PI4K2B: variants seen among roughly 807,000 people sequenced by gnomAD.
PI4K2B encodes phosphatidylinositol 4-kinase type 2 beta.
PI4K2B carries 46 observed loss-of-function variants against 56.6 expected under a neutral mutation model. The ratio of observed to expected loss-of-function variants is 0.81; its 90% CI spans 0.64 to 1.04. The LOEUF (loss-of-function observed/expected upper bound fraction) is 1.04. Ranked by LOEUF, PI4K2B falls within the 50% of genes least tolerant of loss-of-function variation. PI4K2B has a pLI of 0.00. For synonymous variants in PI4K2B, 211 were observed against 223.8 expected (o/e 0.94, Z 0.51); for missense variants, 556 against 607.7 (o/e 0.91, Z 0.89).
At chr4:25,267,829 C>T (rs1716721822) in intron 7 of PI4K2B, 1 of 976,506 alleles carries the variant, frequency 1.0e-6, no homozygotes, top group African/African-American at 1.8e-5. Context: ...CCATTTACCT[C>T]CTAATGATTT....
chr4:25,249,975 C>T (rs1715979056), intron 1 of PI4K2B, among the ~76,000 whole-genome samples: 2 of 152,180 alleles, frequency 1.3e-5, no homozygotes, highest in African/African-American at 2.4e-5. Flanking sequence ...CCCGGCACCT[C>T]GGGAGGCCGA....
chr4:25,244,511 T>G (rs1424983449), intron 1 of PI4K2B, among the ~76,000 whole-genome samples: 1 of 152,194 alleles, frequency 6.6e-6, no homozygotes, highest in African/African-American at 2.4e-5. Flanking sequence ...TATACTTCCC[T>G]CAGGTGGCCA....
chr4:25,252,507 G>A, intron 2 of PI4K2B, 32 bp downstream of exon 2: 1 of 1,366,568 alleles, frequency 7.3e-7, no homozygotes, highest in Non-Finnish European at 1.0e-6. Context: ...TATATGTAAT[G>A]GAAACTTTGG....
intron 1 of PI4K2B, among the ~76,000 whole-genome samples, chr4:25,245,482 CCT>C: frequency 6.6e-6 from 1 of 152,098 alleles, no homozygotes; most frequent in Non-Finnish European, 1.5e-5. Context: ...GCATGGCTTT[CCT>C]CTCTGTCGAC....
intron 5 of PI4K2B, 34 bp from the exon 6 acceptor site, chr4:25,260,490 A>T: frequency 1.0e-6 from 1 of 975,642 alleles, no homozygotes; most frequent in South Asian, 1.8e-5. Flanking sequence ...GTCCATAGAA[A>T]TGAAGTAACA....
chr4:25,255,661 C>T (rs1163193123), intron 3 of PI4K2B, among the ~76,000 whole-genome samples: 14 of 152,170 alleles, frequency 9.2e-5, no homozygotes, highest in Admixed American at 9.2e-4. Context: ...CAGGGTGTTG[C>T]TGTGTTGCCC....
intron 1 of PI4K2B, 81 bp from the exon 2 acceptor site, chr4:25,252,240 T>C (rs977297076): frequency 1.3e-5 from 13 of 1,028,414 alleles, no homozygotes; most frequent in Non-Finnish European, 1.6e-5. Context: ...CTGTACCTTA[T>C]ATCCTGATAC....
At chr4:25,246,614 C>T (rs1484068122) in intron 1 of PI4K2B, among the ~76,000 whole-genome samples, 1 of 152,266 alleles carries the variant, frequency 6.6e-6, no homozygotes, top group Non-Finnish European at 1.5e-5. Context: ...AGTCCCACGC[C>T]TTGTGCCCAC....
At chr4:25,244,169 C>T (rs993966025) in intron 1 of PI4K2B, among the ~76,000 whole-genome samples, 1 of 152,202 alleles carries the variant, frequency 6.6e-6, no homozygotes, top group African/African-American at 2.4e-5. Flanking sequence ...GAGAAGGGGA[C>T]ATGTACCCAG....
intron 1 of PI4K2B, among the ~76,000 whole-genome samples, chr4:25,238,209 G>T (rs753221098): frequency 1.2e-4 from 18 of 152,180 alleles, no homozygotes; most frequent in Non-Finnish European, 2.4e-4. Context: ...TGAAATTACT[G>T]AGCAGCTAAC....
At chr4:25,251,852 T>G (rs1182878826) in intron 1 of PI4K2B, among the ~76,000 whole-genome samples, 1 of 151,960 alleles carries the variant, frequency 6.6e-6, no homozygotes, top group African/African-American at 2.4e-5. Context: ...GGACGGTGTC[T>G]CGCTCTTATT....
At position 25,260,266 on chromosome 4, in the gene PI4K2B, T is replaced by C. The variant is rs563543733; in HGVS notation, c.911-258T>C. Among the ~76,000 whole-genome samples the C allele has an allele frequency of 6.6e-5, 10 of 152,172 alleles. No homozygotes were observed. In the South Asian group the frequency reaches 2.1e-3, roughly 32 times the overall value. On this transcript the variant is annotated intron_variant, in intron 5 of 9. Transcript: ENST00000264864. ...ATAATTGTATCACCTCACAGGGTAG[T>C]TTTGAGGATTACATGAATTATTACA... is the stretch of plus-strand genomic sequence containing the variant.
chr4:25,242,561 G>A (rs1429443310), intron 1 of PI4K2B, among the ~76,000 whole-genome samples: 1 of 152,220 alleles, frequency 6.6e-6, no homozygotes, highest in Non-Finnish European at 1.5e-5. Flanking sequence ...GGATATAGAG[G>A]AATTACTGCC....
intron 9 of PI4K2B, among the ~76,000 whole-genome samples, chr4:25,275,841 C>A (rs1717072664): frequency 6.6e-6 from 1 of 152,082 alleles, no homozygotes; most frequent in African/African-American, 2.4e-5. Flanking sequence ...TGGTGGCTCA[C>A]ACCTGTAATC....
chr4:25,240,539 C>T (rs950017779), intron 1 of PI4K2B, among the ~76,000 whole-genome samples: 8 of 152,044 alleles, frequency 5.3e-5, no homozygotes, highest in African/African-American at 1.7e-4. Context: ...TTGAGGGGTA[C>T]TGATAGGGTC....
At chr4:25,256,019 G>A (rs1008250767) in intron 3 of PI4K2B, among the ~76,000 whole-genome samples, 1 of 151,906 alleles carries the variant, frequency 6.6e-6, no homozygotes, top group Non-Finnish European at 1.5e-5. Flanking sequence ...GCTGGGCTCA[G>A]GTGATCCTCC....
rs1028795698 is a variant in PI4K2B, at chr4:25,255,341, C to A, written c.624+76C>A. 10 of 1,291,116 alleles carry A rather than the reference C, an allele frequency of 7.7e-6. No individual in the cohort carries two copies. In the African/African-American group the frequency reaches 1.2e-4, roughly 15 times the overall value. The allele number at this position is 1,291,116 out of a possible 1,614,324, so 80.0% of individuals were successfully genotyped here. ...ATATCTGAATATTTCAGTAATTATT[C>A]CTAATGATAGAACCTAAAGTGGAGC... On this transcript the variant is annotated intron_variant, in intron 3 of 9. Coordinates refer to ENST00000264864, the MANE Select transcript of PI4K2B (RefSeq NM_018323.4).
intron 9 of PI4K2B, among the ~76,000 whole-genome samples, chr4:25,272,002 G>A (rs111490474): frequency 0.012 from 1,837 of 152,222 alleles, 36 homozygotes; most frequent in African/African-American, 0.041. Flanking sequence ...AATTAGCCAC[G>A]CATGGTGGCA....
In PI4K2B at chr4:25,256,546, G is replaced by T. The variant is rs143490621; in HGVS notation, c.628G>T (p.Val210Phe). The change falls in exon 4 of 10, where the codon GTT becomes TTT. Residue 210 changes from valine (V) to phenylalanine (F), a missense_variant. By Grantham distance (50) the Val-to-Phe change is conservative. Transcript: ENST00000264864. ...TTTCTGAATTGTATGTTTCTAGGTG[G>T]TTTGGCTTGTCAGTGAGACATTTAA... ...HLSIVPKTKV[V>F]WLVSETFNYN... is the part of the protein sequence containing the mutation. 6.2e-7 allele frequency: 1 copy of T among 1,612,318 alleles called. No individual in the cohort carries two copies. The highest frequency in any genetic ancestry group is 8.5e-7 in the Non-Finnish European group (1 of 1,179,464).
Sources: gnomAD v4.1 joint callset for allele counts (sites outside exome capture counted in the v4.1 genomes callset) on GRCh38, gnomAD v4.1.1 for gene constraint, MANE v1.5 for transcripts, NCBI Gene and HGNC (gene_info 2026-07-23, HGNC 2026-07-21) for gene names.